The following PCLO variants were observed in gnomAD, a reference collection of about 807,000 sequenced individuals.
The protein encoded by PCLO is piccolo presynaptic cytomatrix protein.
PCLO carries 82 observed loss-of-function variants against 427.5 expected under a neutral mutation model. The ratio of observed to expected loss-of-function variants is 0.19; its 90% CI spans 0.16 to 0.23. The LOEUF (loss-of-function observed/expected upper bound fraction) is 0.23. Among genes scored for constraint, PCLO ranks in the 10% least tolerant of loss-of-function variants. The pLI is 1.00. For missense variants in PCLO, 6,239 were observed against 6,115.9 expected (o/e 1.02, Z -0.67); for synonymous variants, 2,357 against 2,155.4 (o/e 1.09, Z -2.59).
At position 82,760,676 on chromosome 7, in the gene PCLO, A is replaced by G. The variant is rs1174504255; in HGVS notation, c.15251T>C (p.Phe5084Ser). Residue 5084 changes from phenylalanine to serine, a missense_variant, in exon 24 of 25, where the codon TTT becomes TCT. This residue lies in a region of PCLO where 877 missense variants were observed against 925.5 expected (regional missense o/e 0.95). Coordinates refer to ENST00000333891, the MANE Select transcript of PCLO (RefSeq NM_033026.6). ...TCCTGCAGGACTTAGACTGAATCGA[A>G]AAGTTTCATTAAACGAAGGCTCTCG... ...HDREPSFNET[F>S]RFSLSPAGHS... is the part of the protein sequence containing the mutation. 6.2e-7 allele frequency: 1 copy of G among 1,606,598 alleles called. No homozygotes were observed. The highest frequency in any genetic ancestry group is 8.5e-7 in the Non-Finnish European group (1 of 1,176,316).
At chr7:82,813,118 A>G (rs1412123338) in intron 20 of PCLO, among the ~76,000 whole-genome samples, 3 of 151,744 alleles carry the variant, frequency 2.0e-5, no homozygotes, top group East Asian at 1.9e-4. Context: ...ATTTTGCCCA[A>G]ATGAAAAAGG....
chr7:82,933,018 C>G (rs1794874677), intron 6 of PCLO, among the ~76,000 whole-genome samples: 1 of 151,948 alleles, frequency 6.6e-6, no homozygotes, highest in East Asian at 1.9e-4. Flanking sequence ...CCTGAAGAGA[C>G]AGTTAGTTGG....
rs764843170 is a variant in PCLO, at chr7:82,966,025, A to G, written c.3763T>C (p.Ser1255Pro). Residue 1255 changes from serine to proline, a missense_variant, in exon 4 of 25, where the codon TCA becomes CCA. Around this residue, in one of 5 missense-constraint regions of PCLO, gnomAD observed 4,677 missense variants for 4,468.4 expected, o/e 1.05. Coordinates refer to ENST00000333891, the MANE Select transcript of PCLO (RefSeq NM_033026.6). Reference protein sequence around the residue: ...DKKLLPEAKTSAPEEQKHDLL... With the variant: ...DKKLLPEAKTPAPEEQKHDLL... Reference sequence around the variant, plus strand: ...TCATGTTTCTGTTCTTCTGGGGCTGATGTTTTTGCCTCTGGGAGTAGCTTT... The same window carrying G: ...TCATGTTTCTGTTCTTCTGGGGCTGGTGTTTTTGCCTCTGGGAGTAGCTTT... 10 of 1,613,116 alleles carry G rather than the reference A, an allele frequency of 6.2e-6. No homozygotes were observed. The Admixed American group carries it at 8.4e-5, about 13-fold the overall frequency.
intron 3 of PCLO, among the ~76,000 whole-genome samples, chr7:83,116,890 C>G (rs974210340): frequency 3.3e-5 from 5 of 152,032 alleles, no homozygotes; most frequent in African/African-American, 1.2e-4. Context: ...TTTACATGTC[C>G]ATGTTTATGG....
intron 16 of PCLO, among the ~76,000 whole-genome samples, chr7:82,834,473 G>A (rs182877711): frequency 3.5e-4 from 54 of 152,242 alleles, no homozygotes; most frequent in Non-Finnish European, 6.0e-4. Flanking sequence ...AAATATTTAC[G>A]TATTTATGCT....
chr7:83,107,903 C>T (rs1280789339), intron 3 of PCLO, among the ~76,000 whole-genome samples: 2 of 145,840 alleles, frequency 1.4e-5, no homozygotes, highest in Admixed American at 7.0e-5. Context: ...GCAAGAGAAT[C>T]GCTTGAATCC....
Position 82,845,416 on chromosome 7 carries a change from T to G in PCLO, c.13901A>C (p.Gln4634Pro). 1 of 1,613,316 alleles carries G rather than the reference T, an allele frequency of 6.2e-7. No individual in the cohort carries two copies. Among genetic ancestry groups the G allele is most frequent in the Non-Finnish European group, 8.5e-7 (1 of 1,179,572 alleles). The change falls in exon 13 of 25, where the codon CAG becomes CCG. Residue 4634 changes from glutamine to proline, a missense_variant. Coordinates refer to ENST00000333891, the MANE Select transcript of PCLO (RefSeq NM_033026.6). ...TGATGACAGAACCAGCGGTGACTGCTGTAGTGAAACCTTCTGGAGTTCTGC... is the reference window on the plus strand; with the variant it reads ...TGATGACAGAACCAGCGGTGACTGCGGTAGTGAAACCTTCTGGAGTTCTGC... ...LAAELQKVSL[Q>P]QSPLVLSSVV...
At position 82,954,147 on chromosome 7, in the gene PCLO, A is replaced by AT; in HGVS notation, c.6805dup (p.Met2269AsnfsTer12). 1 of 1,613,944 alleles carries AT rather than the reference A, an allele frequency of 6.2e-7. No individual in the cohort carries two copies. Among genetic ancestry groups the AT allele is most frequent in the Non-Finnish European group, 8.5e-7 (1 of 1,179,856 alleles). On this transcript the variant is annotated frameshift_variant, in exon 5 of 25. Transcript: ENST00000333891. LOFTEE classifies it high-confidence loss of function. ...TACAGATTCTATGATAGAAGATGCC[A>AT]TATCAGATAAGGAAATAACAATATG...
Position 82,906,034 on chromosome 7 carries a change from GATA to G in PCLO, c.13437+2840_13437+2842del, listed in dbSNP as rs1794182757. ...AGATAGATAGATAGATAGATAGATA[GATA>G]GATAGATAGATAGATAGGTACACAC... On this transcript the variant is annotated intron_variant, in intron 8 of 24. Coordinates refer to ENST00000333891, the MANE Select transcript of PCLO (RefSeq NM_033026.6). Among the ~76,000 whole-genome samples the G allele has an allele frequency of 1.7e-4, 26 of 151,630 alleles. 1 individual carries two copies. Among genetic ancestry groups the G allele is most frequent in the Non-Finnish European group, 4.4e-5 (3 of 67,880 alleles).
At chr7:83,043,384 C>G (rs914623371) in intron 3 of PCLO, among the ~76,000 whole-genome samples, 1 of 152,178 alleles carries the variant, frequency 6.6e-6, no homozygotes, top group Non-Finnish European at 1.5e-5. Flanking sequence ...TTTGTTTCTT[C>G]ATAGCCCTAA....
intron 22 of PCLO, among the ~76,000 whole-genome samples, chr7:82,765,426 GA>G (rs5885309): frequency 0.071 from 10,833 of 151,774 alleles, 1,081 homozygotes; most frequent in African/African-American, 0.22. Flanking sequence ...GTAGGGAACA[GA>G]AAAAAAGTAG....
In PCLO at chr7:82,956,766, G is replaced by A; in HGVS notation, c.4187C>T (p.Ser1396Phe). Residue 1396 changes from serine to phenylalanine, a missense_variant, in exon 5 of 25, where the codon TCT (serine) becomes TTT (phenylalanine). By Grantham distance (155) the Ser-to-Phe change is radical (BLOSUM62 -2). Transcript: ENST00000333891. The part of the protein sequence containing the change: ...KDILKGLKKD[S>F]FSQESSPSSP... Reference sequence around the variant, plus strand: ...GGAAGGGCTGCTTTCTTGTGAAAAAGAGTCCTTTTTGAGTCCCTTGAGAAT... The same window carrying A: ...GGAAGGGCTGCTTTCTTGTGAAAAAAAGTCCTTTTTGAGTCCCTTGAGAAT... 2 of 1,613,796 alleles carry A rather than the reference G, an allele frequency of 1.2e-6. No homozygotes were observed. The highest frequency in any genetic ancestry group is 2.7e-5 in the African/African-American group (2 of 75,042).
chr7:83,085,381 G>A (rs1790205678), intron 3 of PCLO, among the ~76,000 whole-genome samples: 1 of 152,128 alleles, frequency 6.6e-6, no homozygotes, highest in Non-Finnish European at 1.5e-5. Context: ...TAATTTTACA[G>A]ATGAGAAAAC....
At chr7:83,090,039 T>C (rs964180219) in intron 3 of PCLO, among the ~76,000 whole-genome samples, 7 of 152,170 alleles carry the variant, frequency 4.6e-5, no homozygotes, top group Non-Finnish European at 1.0e-4. Flanking sequence ...GCACAGTGGC[T>C]CAAACCTGTA....
At chr7:82,823,080 G>A (rs1471354265) in intron 19 of PCLO, among the ~76,000 whole-genome samples, 1 of 152,100 alleles carries the variant, frequency 6.6e-6, no homozygotes, top group East Asian at 1.9e-4. Flanking sequence ...TATTAAGTGT[G>A]GAGATTGTAG....
chr7:83,026,334 A>C (rs1286882577), intron 3 of PCLO, among the ~76,000 whole-genome samples: 1 of 152,016 alleles, frequency 6.6e-6, no homozygotes, highest in Non-Finnish European at 1.5e-5. Flanking sequence ...ACTTTAAACC[A>C]ACAAAGATCA....
intron 3 of PCLO, among the ~76,000 whole-genome samples, chr7:83,080,461 A>G (rs1790069586): frequency 6.6e-6 from 1 of 152,070 alleles, no homozygotes; most frequent in African/African-American, 2.4e-5. Flanking sequence ...CATTTAAGAG[A>G]GGATTTTTTT....
rs565485105 is a variant in PCLO, at chr7:82,769,661, A to G, written c.15008-8168T>C. Among the ~76,000 whole-genome samples the G allele has an allele frequency of 4.6e-5, 7 of 152,028 alleles. No homozygotes were observed. The South Asian group carries it at 1.4e-3, about 31-fold the overall frequency. On this transcript the variant is annotated intron_variant, in intron 22 of 24. Transcript: ENST00000333891. Reference sequence around the variant, plus strand: ...GGAAAGAATGATACCTTGTAAACGAAAAGTCTGCGTAAGAAAAAAAGCAGA... The same window carrying G: ...GGAAAGAATGATACCTTGTAAACGAGAAGTCTGCGTAAGAAAAAAAGCAGA...
chr7:82,817,000 T>C (rs758196339), intron 20 of PCLO, among the ~76,000 whole-genome samples: 1 of 152,168 alleles, frequency 6.6e-6, no homozygotes, highest in Non-Finnish European at 1.5e-5. Flanking sequence ...TAAATGACTA[T>C]AGAAATATTT....
Sources: allele counts gnomAD v4.1 joint callset (sites outside exome capture counted in the v4.1 genomes callset), GRCh38; gene constraint gnomAD v4.1.1; regional missense constraint gnomAD v4.1.1; transcripts MANE v1.5; gene names NCBI Gene and HGNC (gene_info 2026-07-23, HGNC 2026-07-21).